NOS3: variants seen among roughly 807,000 people sequenced by gnomAD.
NOS3 encodes nitric oxide synthase 3.
A neutral mutation model predicts 144.9 loss-of-function variants in NOS3; 98 were observed. The ratio of observed to expected loss-of-function variants is 0.68; its 90% CI spans 0.57 to 0.80. The LOEUF (loss-of-function observed/expected upper bound fraction) is 0.80, where lower values mean the gene tolerates loss of function less well. Ranked by LOEUF, NOS3 falls within the 30% of genes least tolerant of loss-of-function variation. The pLI, the probability that NOS3 is intolerant of heterozygous loss-of-function variation, is 0.00. For synonymous variants in NOS3, 714 were observed against 702.4 expected, an observed-to-expected ratio of 1.02 and a Z score of -0.26; for missense variants, 1,465 against 1,656.4, an observed-to-expected ratio of 0.88 and a Z score of 2.01.
chr7:151,013,604 G>A (rs1027012773), intron 25 of NOS3, 120 bp from the exon 26 acceptor site: 3 of 1,075,028 alleles, frequency 2.8e-6, no homozygotes, highest in Non-Finnish European at 2.6e-6. Flanking sequence ...CCGCCCCAGG[G>A]CACGCAGGCC....
rs1338022204 is a variant in NOS3 at position 151,006,976 on chromosome 7, A to G, written c.1908A>G (p.Thr636=). Residue 636 remains threonine, a synonymous_variant, in exon 16 of 27, where the codon ACA becomes ACG. Coordinates refer to ENST00000297494, the MANE Select transcript of NOS3 (RefSeq NM_000603.5). ...GGAAGAGGAAGGAGTCCAGTAACAC[A>G]GACAGTGCAGGGGCCCTGGGCACCC... The part of the protein sequence containing the change: ...WRRKRKESSN[T]DSAGALGTLR... 6.2e-7 allele frequency: 1 copy of G among 1,614,030 alleles called. No homozygotes were observed. The highest frequency in any genetic ancestry group is 1.3e-5 in the African/African-American group (1 of 74,940).
rs1802489218 is a variant in NOS3 at position 150,998,576 on chromosome 7, C to T, written c.712C>T (p.Arg238Ter). ...AGTGTTCCCGCAGCGCTGCCCTGGCCGAGGAGACTTCCGAATCTGGAACAG... is the reference window on the plus strand; with the variant it reads ...AGTGTTCCCGCAGCGCTGCCCTGGCTGAGGAGACTTCCGAATCTGGAACAG... ...ITVFPQRCPG[R>*]GDFRIWNSQL... is the part of the protein sequence containing the mutation. The change falls in exon 7 of 27, where the codon CGA (arginine) becomes TGA (stop). Residue 238 changes from arginine to a stop codon, truncating the protein, a stop_gained. Transcript: ENST00000297494. LOFTEE classifies it high-confidence loss of function. The surrounding 1 kb of genome is among the most constrained non-coding windows in gnomAD (Gnocchi z 5.0). 2 of 1,609,122 alleles carry T rather than the reference C, an allele frequency of 1.2e-6. No homozygotes were observed. The highest frequency in any genetic ancestry group is 1.7e-6 in the Non-Finnish European group (2 of 1,178,676).
At chr7:150,992,916 C>T (rs1802285522) in intron 1 of NOS3, among the ~76,000 whole-genome samples, 1 of 152,112 alleles carries the variant, frequency 6.6e-6, no homozygotes, top group African/African-American at 2.4e-5. Flanking sequence ...TGCTGGTGTA[C>T]CCCACCTGCA....
Position 151,012,597 on chromosome 7 carries a change from G to A in NOS3, c.3106+125G>A, listed in dbSNP as rs376032615. On this transcript the variant is annotated intron_variant, in intron 24 of 26. Coordinates refer to ENST00000297494, the MANE Select transcript of NOS3 (RefSeq NM_000603.5). ...ACAAAGTCCACAAAGCTGAAAAGACGCTCATGAGACCAAGGGGAGGGCAGG... is the reference window on the plus strand; with the variant it reads ...ACAAAGTCCACAAAGCTGAAAAGACACTCATGAGACCAAGGGGAGGGCAGG... The A allele has an allele frequency of 3.6e-5, 44 of 1,235,526 alleles. 1 individual carries two copies. In the Middle Eastern group the frequency reaches 6.4e-4, roughly 18 times the overall value. 76.5% of individuals were successfully genotyped at this position (1,235,526 alleles called of 1,614,324 possible).
Position 150,996,940 on chromosome 7 carries a change from C to T in NOS3, c.582+15C>T, listed in dbSNP as rs374001545. On this transcript the variant is annotated intron_variant, in intron 5 of 26. Transcript: ENST00000297494. ...GGAAGCTGCAGGTGCGGCTGGCCAG[C>T]GACTGAGAGACCCGGGCGCTACCAA... 2.6e-6 allele frequency: 4 copies of T among 1,550,198 alleles called. No homozygotes were observed. The African/African-American group carries it at 5.5e-5, about 21-fold the overall frequency.
Position 151,002,084 on chromosome 7 carries a change from C to T in NOS3, c.1648-116C>T. 2 of 1,450,368 alleles carry T rather than the reference C, an allele frequency of 1.4e-6. No homozygotes were observed. Among genetic ancestry groups the T allele is most frequent in the Non-Finnish European group, 1.9e-6 (2 of 1,052,308 alleles). 89.8% of individuals were successfully genotyped at this position (1,450,368 alleles called of 1,614,324 possible). ...AGGACTCATGAGGAACCCGGAACCA[C>T]AGGTGTTCAGAGATCAAGTTGGGGC... On this transcript the variant is annotated intron_variant, in intron 13 of 26. Transcript: ENST00000297494. This position sits in a 1 kb window ranked among gnomAD's most constrained non-coding sequence, Gnocchi z 4.1.
Position 151,003,641 on chromosome 7 carries a change from G to A in NOS3, c.1752+1337G>A, listed in dbSNP as rs939381571. On this transcript the variant is annotated intron_variant, in intron 14 of 26. Transcript: ENST00000297494. This position sits in a 1 kb window ranked among gnomAD's most constrained non-coding sequence, Gnocchi z 4.1. ...GAAAGTTCCCTCATCAGTTCCTCAC[G>A]TGAATCCCTTCCCAGTCTGTCTCCC... is the stretch of plus-strand genomic sequence containing the variant. 33 of 842,286 alleles carry A rather than the reference G, an allele frequency of 3.9e-5. No homozygotes were observed. The highest frequency in any genetic ancestry group is 3.8e-4 in the East Asian group (6 of 15,888). 52.2% of individuals were successfully genotyped at this position (842,286 alleles called of 1,614,324 possible).
Position 151,014,213 on chromosome 7 carries a change from C to T in NOS3, c.*44C>T, listed in dbSNP as rs199762416. 4 of 1,552,434 alleles carry T rather than the reference C, an allele frequency of 2.6e-6. No homozygotes were observed. Among genetic ancestry groups the T allele is most frequent in the East Asian group, 4.7e-5 (2 of 42,818 alleles). On this transcript the variant is annotated 3_prime_UTR_variant, in exon 27 of 27. Transcript: ENST00000297494. ...TTCCAGTTCCGGGAGAGCGGCTGCC[C>T]GACTCAGGTCCGCCCGACCAGGATC...
chr7:150,996,377 CCTG>C, intron 3 of NOS3, 24 bp from the exon 4 acceptor site: 1 of 1,200,758 alleles, frequency 8.3e-7, no homozygotes, highest in Non-Finnish European at 1.1e-6. Flanking sequence ...CCTGGCCTGT[CCTG>C]ACCTTTGCAC....
chr7:150,999,533 G>T (rs1795027009), intron 9 of NOS3, among the ~76,000 whole-genome samples, 169 bp downstream of exon 9: 1 of 152,130 alleles, frequency 6.6e-6, no homozygotes, highest in Non-Finnish European at 1.5e-5. Flanking sequence ...CAAAGGGGTA[G>T]GGGGTGGCAG....
In NOS3 at chr7:151,010,744, G is replaced by A. The variant is rs750866232; in HGVS notation, c.2833G>A (p.Ala945Thr). 32 of 1,613,196 alleles carry A rather than the reference G, an allele frequency of 2.0e-5. 1 individual carries two copies. In the South Asian group the frequency reaches 2.9e-4, roughly 14 times the overall value. The part of the protein sequence containing the change: ...LQPRYYSVSS[A>T]PSTHPGEIHL... The stretch of plus-strand genomic sequence containing the variant: ...GCCCCGGTACTACTCAGTCAGCTCG[G>A]CACCCAGCACCCACCCAGGAGAGAT... The change falls in exon 22 of 27, where the codon GCA (alanine) becomes ACA (threonine). Residue 945 changes from alanine to threonine, a missense_variant. By Grantham distance (58) the Ala-to-Thr change is moderately conservative. Around this residue, in one of 5 missense-constraint regions of NOS3, gnomAD observed 106 missense variants for 167.7 expected, o/e 0.63. Transcript: ENST00000297494.
chr7:150,991,499 T>C (rs947931533), intron 1 of NOS3, among the ~76,000 whole-genome samples, 199 bp downstream of exon 1: 4 of 152,202 alleles, frequency 2.6e-5, no homozygotes, highest in Admixed American at 1.3e-4. Context: ...AACAGAGGAT[T>C]CAAGCAGTGC....
intron 24 of NOS3, 80 bp downstream of exon 24, chr7:151,012,552 T>G: frequency 6.7e-7 from 1 of 1,501,740 alleles, no homozygotes; most frequent in Non-Finnish European, 9.1e-7. Context: ...AGGCAGGAAA[T>G]AGGAAAGAGA....
At chr7:150,994,109 A>G in intron 2 of NOS3, 148 bp downstream of exon 2, 3 of 862,522 alleles carry the variant, frequency 3.5e-6, no homozygotes, top group Non-Finnish European at 1.8e-6. Context: ...AGAACAGGAC[A>G]GTCTGGGAGG....
chr7:151,010,667 C>A lies in NOS3; in HGVS notation c.2756C>A (p.Pro919Gln), dbSNP rs370602493. The change falls in exon 22 of 27, where the codon CCG (proline) becomes CAG (glutamine). Residue 919 changes from proline to glutamine, a missense_variant. Pro to Gln is a moderately conservative substitution (Grantham distance 76). Around this residue, in one of 5 missense-constraint regions of NOS3, gnomAD observed 745 missense variants for 853.9 expected, o/e 0.87. Coordinates refer to ENST00000297494, the MANE Select transcript of NOS3 (RefSeq NM_000603.5). ...CTGCTGGAGGTGCTGGAGCAGTTCC[C>A]GTCGGTGGCGCTGCCTGCCCCACTG... ...PTLLEVLEQFPSVALPAPLLL... is the reference protein window; with the variant it reads ...PTLLEVLEQFQSVALPAPLLL... 1.9e-6 allele frequency: 3 copies of A among 1,608,312 alleles called. No individual in the cohort carries two copies. Among genetic ancestry groups the A allele is most frequent in the Non-Finnish European group, 2.5e-6 (3 of 1,177,738 alleles).
chr7:151,013,606 A>G (rs1328669880), intron 25 of NOS3, 118 bp from the exon 26 acceptor site: 3 of 872,134 alleles, frequency 3.4e-6, no homozygotes. Context: ...GCCCCAGGGC[A>G]CGCAGGCCCC....
chr7:151,004,832 C>T (rs1302866970), intron 14 of NOS3, among the ~76,000 whole-genome samples: 2 of 144,754 alleles, frequency 1.4e-5, no homozygotes, highest in East Asian at 2.0e-4. Flanking sequence ...TTCTAGGATG[C>T]GGGTAATGTT....
At chr7:151,004,596 A>G (rs1795177255) in intron 14 of NOS3, among the ~76,000 whole-genome samples, 3 of 152,240 alleles carry the variant, frequency 2.0e-5, no homozygotes. Flanking sequence ...CAAGTGCCAT[A>G]TCGCACTAAG....
rs1232988132 is a variant in NOS3 at position 150,993,134 on chromosome 7, G to A, written c.-51-619G>A. ...CCCCCACTTGAGTCATGGGGGTGTG[G>A]GGGTTCCAGGAAATTGGGGCTGGGA... On this transcript the variant is annotated intron_variant, in intron 1 of 26. Coordinates refer to ENST00000297494, the MANE Select transcript of NOS3 (RefSeq NM_000603.5). The surrounding 1 kb of genome is among the most constrained non-coding windows in gnomAD (Gnocchi z 4.0). Among the ~76,000 whole-genome samples the A allele has an allele frequency of 6.6e-6, 1 of 152,176 alleles. No individual in the cohort carries two copies. Among genetic ancestry groups the A allele is most frequent in the Admixed American group, 6.5e-5 (1 of 15,278 alleles).
Sources: allele counts gnomAD v4.1 joint callset (sites outside exome capture counted in the v4.1 genomes callset), GRCh38; gene constraint gnomAD v4.1.1; regional missense constraint gnomAD v4.1.1; non-coding constraint Gnocchi (gnomAD v3.1); transcripts MANE v1.5; gene names NCBI Gene and HGNC (gene_info 2026-07-23, HGNC 2026-07-21).